The following ADGRV1 variants were observed in gnomAD, a reference collection of about 807,000 sequenced individuals.
ADGRV1 encodes the protein G-protein coupled receptor 98.
A neutral mutation model predicts 596.2 loss-of-function variants in ADGRV1; 359 were observed. The observed-to-expected ratio is 0.60, with a 90% CI of 0.55 to 0.66. The LOEUF (loss-of-function observed/expected upper bound fraction) is 0.66, where lower values mean the gene tolerates loss of function less well. Ranked by LOEUF, ADGRV1 falls within the 30% of genes least tolerant of loss-of-function variation. The pLI, the probability that ADGRV1 is intolerant of heterozygous loss-of-function variation, is 0.00. For synonymous variants in ADGRV1, 2,681 were observed against 2,679.2 expected (o/e 1.00, Z -0.02); for missense variants, 7,274 against 7,575.6 (o/e 0.96, Z 1.48).
chr5:91,071,899 A>C (rs1788422758), intron 85 of ADGRV1, among the ~76,000 whole-genome samples: 1 of 151,592 alleles, frequency 6.6e-6, no homozygotes, highest in Admixed American at 6.6e-5. Context: ...CTAGTCTCGA[A>C]CTCCTGATCT....
chr5:90,651,634 C>T lies in ADGRV1; in HGVS notation c.3320C>T (p.Ala1107Val). 1.0e-5 allele frequency: 16 copies of T among 1,606,308 alleles called. No individual in the cohort carries two copies. The highest frequency in any genetic ancestry group is 1.4e-5 in the Non-Finnish European group (16 of 1,173,708). Residue 1107 changes from alanine (A) to valine (V), a missense_variant, in exon 18 of 90, where the codon GCT becomes GTT. This residue lies in a region of ADGRV1 where 1,715 missense variants were observed against 1,708.8 expected (regional missense o/e 1.00). Coordinates refer to ENST00000405460, the MANE Select transcript of ADGRV1 (RefSeq NM_032119.4). ...ACAGTAGTATATCAATATGGAGTAG[C>T]TACAGTAATAATTGAAGCTAATGAT... ...GDTVVYQYGV[A>V]TVIIEANDDP... is the part of the protein sequence containing the mutation.
chr5:90,626,386 T>C (rs756799681), intron 6 of ADGRV1: 43 of 152,320 alleles, frequency 2.8e-4, no homozygotes, highest in Non-Finnish European at 4.4e-4. Flanking sequence ...TGATTAATTA[T>C]ACATTTTGAT....
At chr5:90,813,319 C>CTGTTCCAAG (rs1306118551) in intron 74 of ADGRV1, among the ~76,000 whole-genome samples, 1 of 151,988 alleles carries the variant, frequency 6.6e-6, no homozygotes, top group Non-Finnish European at 1.5e-5. Context: ...AGGTTCTTTG[C>CTGTTCCAAG]TGTTCCAAGC....
At chr5:90,874,699 A>G (rs897529554) in intron 83 of ADGRV1, among the ~76,000 whole-genome samples, 25 of 151,970 alleles carry the variant, frequency 1.6e-4, no homozygotes, top group African/African-American at 5.8e-4. Flanking sequence ...GTCTCTACTA[A>G]AAATACAAAT....
At chr5:90,841,786 T>C (rs977432311) in intron 78 of ADGRV1, among the ~76,000 whole-genome samples, 1 of 152,204 alleles carries the variant, frequency 6.6e-6, no homozygotes, top group African/African-American at 2.4e-5. Flanking sequence ...TTAAAATACT[T>C]TAGATGTTAA....
At chr5:90,743,594 C>G (rs1016199855) in intron 50 of ADGRV1, among the ~76,000 whole-genome samples, 1 of 151,594 alleles carries the variant, frequency 6.6e-6, no homozygotes, top group Admixed American at 6.6e-5. Flanking sequence ...GTCTCAGCCT[C>G]CCAAGTAGCT....
chr5:90,813,778 C>T (rs1421943993), intron 74 of ADGRV1, among the ~76,000 whole-genome samples: 1 of 152,100 alleles, frequency 6.6e-6, no homozygotes, highest in Non-Finnish European at 1.5e-5. Flanking sequence ...TCTCACTTAA[C>T]CGGATAATTA....
At chr5:90,654,138 A>G in intron 20 of ADGRV1, 186 bp downstream of exon 20, 1 of 662,700 alleles carries the variant, frequency 1.5e-6, no homozygotes, top group Non-Finnish European at 2.5e-6. Flanking sequence ...GTGTTACAGA[A>G]ATGAATCAGA....
intron 29 of ADGRV1, among the ~76,000 whole-genome samples, chr5:90,686,782 A>G: frequency 6.6e-6 from 1 of 152,186 alleles, no homozygotes; most frequent in Non-Finnish European, 1.5e-5. Flanking sequence ...TCCCTGAGGA[A>G]TCGCCACGCT....
chr5:90,821,276 T>C (rs1050545871), intron 75 of ADGRV1, among the ~76,000 whole-genome samples: 1 of 151,096 alleles, frequency 6.6e-6, no homozygotes, highest in African/African-American at 2.4e-5. Flanking sequence ...TCAGCTCCTT[T>C]AAGCACTTCT....
intron 32 of ADGRV1, among the ~76,000 whole-genome samples, chr5:90,693,646 C>A (rs976864277): frequency 6.6e-6 from 1 of 151,938 alleles, no homozygotes; most frequent in Non-Finnish European, 1.5e-5. Flanking sequence ...AATTTGCATA[C>A]CTTGGAAAAT....
rs1224720435 is a variant in ADGRV1, at chr5:90,595,929, C to T, written c.23-18906C>T. 5.5e-4 allele frequency among the ~76,000 whole-genome samples: 83 copies of T among 151,432 alleles called. 1 individual carries two copies. Among genetic ancestry groups the T allele is most frequent in the African/African-American group, 1.9e-3 (78 of 41,314 alleles). ...CCTCCCGGATGGGGTGGCTGCCGGGCGGAGACGCTCCTCACTTCCCAGACG... is the reference window on the plus strand; with the variant it reads ...CCTCCCGGATGGGGTGGCTGCCGGGTGGAGACGCTCCTCACTTCCCAGACG... On this transcript the variant is annotated intron_variant, in intron 1 of 89. Transcript: ENST00000405460.
intron 83 of ADGRV1, among the ~76,000 whole-genome samples, chr5:90,881,725 G>A (rs1769793760): frequency 6.6e-6 from 1 of 152,004 alleles, no homozygotes. Flanking sequence ...AGTATGCAAT[G>A]TGGGACTTTA....
chr5:91,067,165 A>G (rs1266995526), intron 85 of ADGRV1, among the ~76,000 whole-genome samples: 1 of 125,038 alleles, frequency 8.0e-6, no homozygotes, highest in Non-Finnish European at 1.7e-5. Context: ...TTTTTTTGAG[A>G]CGGAGTCTCG....
At chr5:90,642,505 C>A in intron 11 of ADGRV1, 131 bp from the exon 12 acceptor site, 1 of 892,992 alleles carries the variant, frequency 1.1e-6, no homozygotes, top group Non-Finnish European at 1.7e-6. Context: ...CGTGAATTCA[C>A]TTAAGGTCTA....
At chr5:91,140,860 C>G (rs2126843813) in intron 87 of ADGRV1, among the ~76,000 whole-genome samples, 1 of 152,252 alleles carries the variant, frequency 6.6e-6, no homozygotes, top group East Asian at 1.9e-4. Flanking sequence ...TTAACAGAAT[C>G]ATGAAGAACA....
intron 83 of ADGRV1, among the ~76,000 whole-genome samples, chr5:90,873,497 A>C (rs1448373955): frequency 1.3e-5 from 2 of 152,158 alleles, no homozygotes; most frequent in Non-Finnish European, 2.9e-5. Flanking sequence ...GTGCACCTCT[A>C]AGCCCCAACC....
At chr5:91,055,087 T>C (rs1425566075) in intron 85 of ADGRV1, among the ~76,000 whole-genome samples, 2 of 152,204 alleles carry the variant, frequency 1.3e-5, no homozygotes, top group African/African-American at 4.8e-5. Context: ...AAGTTTTTCT[T>C]GCTTTCAAAT....
At chr5:91,154,358 T>G (rs1447586363) in intron 89 of ADGRV1, among the ~76,000 whole-genome samples, 2 of 152,262 alleles carry the variant, frequency 1.3e-5, no homozygotes, top group Non-Finnish European at 1.5e-5. Flanking sequence ...GTATATTGCT[T>G]TGCTAAAACA....
Sources: gnomAD v4.1 joint callset for allele counts (sites outside exome capture counted in the v4.1 genomes callset) on GRCh38, gnomAD v4.1.1 for gene constraint, gnomAD v4.1.1 regional missense constraint, MANE v1.5 for transcripts, NCBI Gene and HGNC (gene_info 2026-07-23, HGNC 2026-07-21) for gene names.